Variants in KLHL8 observed in about 807,000 individuals in gnomAD.
The protein encoded by KLHL8 is kelch like family member 8, also known as kelch-like protein 8.
In KLHL8, 38 loss-of-function variants were observed where a neutral mutation model predicts 63.5. The ratio of observed to expected loss-of-function variants is 0.60; its 90% CI spans 0.46 to 0.78. The LOEUF (loss-of-function observed/expected upper bound fraction) is 0.78, where lower values mean the gene tolerates loss of function less well. Ranked by LOEUF, KLHL8 falls within the 30% of genes least tolerant of loss-of-function variation. The pLI, the probability that KLHL8 is intolerant of heterozygous loss-of-function variation, is 0.00. For missense variants in KLHL8, 566 were observed against 752.4 expected (o/e 0.75, Z 2.90); for synonymous variants, 224 against 254.3 (o/e 0.88, Z 1.13).
intron 8 of KLHL8, among the ~76,000 whole-genome samples, chr4:87,164,998 A>C (rs1350640431): frequency 1.3e-5 from 2 of 151,826 alleles, no homozygotes; most frequent in Non-Finnish European, 2.9e-5. Flanking sequence ...AATACAAAAA[A>C]ATTAGCTGGG....
At chr4:87,171,148 C>T (rs1376634601) in intron 6 of KLHL8, among the ~76,000 whole-genome samples, 1 of 152,064 alleles carries the variant, frequency 6.6e-6, no homozygotes, top group Non-Finnish European at 1.5e-5. Context: ...AGAGACTTAG[C>T]CCATGTTAAA....
chr4:87,219,619 C>CCAGTA (rs1732742050), intron 1 of KLHL8: 1 of 152,296 alleles, frequency 6.6e-6, no homozygotes, highest in Admixed American at 6.5e-5. Context: ...AAGCACGAGA[C>CCAGTA]ACGTAGAAAA....
intron 6 of KLHL8, among the ~76,000 whole-genome samples, chr4:87,171,751 C>T (rs912437780): frequency 5.9e-5 from 9 of 152,158 alleles, no homozygotes; most frequent in African/African-American, 1.9e-4. Context: ...TCCACTCCTA[C>T]GTCTCTGGCT....
intron 2 of KLHL8, among the ~76,000 whole-genome samples, chr4:87,192,570 C>A (rs898722536): frequency 1.3e-5 from 2 of 152,136 alleles, no homozygotes; most frequent in Non-Finnish European, 2.9e-5. Flanking sequence ...CAAGCTATAC[C>A]ATATAGCCTA....
At position 87,164,153 on chromosome 4, in the gene KLHL8, T is replaced by C. The variant is rs2149823607; in HGVS notation, c.1538-74A>G. ...ACTACTAAATTTCAATTCAATGGCTTTTACAACCCAATCTTTTAAAATCAT... is the reference window on the plus strand; with the variant it reads ...ACTACTAAATTTCAATTCAATGGCTCTTACAACCCAATCTTTTAAAATCAT... On this transcript the variant is annotated intron_variant, in intron 8 of 9. Transcript: ENST00000273963. 2.3e-6 allele frequency: 3 copies of C among 1,292,508 alleles called. No homozygotes were observed. In the South Asian group the frequency reaches 3.9e-5, roughly 17 times the overall value. 80.1% of individuals were successfully genotyped at this position (1,292,508 alleles called of 1,614,324 possible). A position where few individuals can be genotyped will look rare whatever the true frequency, so the allele number is the denominator to read the frequency against.
chr4:87,163,845 TAA>T, intron 9 of KLHL8, 31 bp downstream of exon 9: 1 of 1,597,366 alleles, frequency 6.3e-7, no homozygotes, highest in Non-Finnish European at 8.6e-7. Context: ...TACCAGAAGA[TAA>T]TATAAAGCAC....
At chr4:87,230,724 G>A (rs985725999) in intron 1 of KLHL8, among the ~76,000 whole-genome samples, 1 of 152,122 alleles carries the variant, frequency 6.6e-6, no homozygotes, top group Non-Finnish European at 1.5e-5. Flanking sequence ...AGCATCTAAC[G>A]CAGTGTTAAG....
At chr4:87,203,855 G>C (rs1732017508) in intron 1 of KLHL8, among the ~76,000 whole-genome samples, 1 of 151,838 alleles carries the variant, frequency 6.6e-6, no homozygotes, top group Admixed American at 6.6e-5. Flanking sequence ...AGAATAAAAA[G>C]ACAAGCTTCA....
At chr4:87,217,569 C>A (rs112836610) in intron 1 of KLHL8, among the ~76,000 whole-genome samples, 5,947 of 151,592 alleles carry the variant, frequency 0.039, 151 homozygotes, top group Middle Eastern at 0.11. Flanking sequence ...TGGTCTGGAA[C>A]TCCTGGGATC....
intron 1 of KLHL8, among the ~76,000 whole-genome samples, chr4:87,231,232 G>A (rs111254938): frequency 1.3e-5 from 2 of 152,234 alleles, no homozygotes; most frequent in African/African-American, 4.8e-5. Flanking sequence ...CACCCTCCGC[G>A]GAATCTGTGT....
Position 87,195,430 on chromosome 4 carries a change from T to C in KLHL8, c.110A>G (p.Asp37Gly). The C allele has an allele frequency of 6.2e-7, 1 of 1,613,844 alleles. No homozygotes were observed. The highest frequency in any genetic ancestry group is 8.5e-7 in the Non-Finnish European group (1 of 1,179,802). The change falls in exon 2 of 10, where the codon GAT (aspartate) becomes GGT (glycine). Residue 37 changes from aspartate to glycine, a missense_variant. By Grantham distance (94) the Asp-to-Gly change is moderately conservative (BLOSUM62 -1). Coordinates refer to ENST00000273963, the MANE Select transcript of KLHL8 (RefSeq NM_020803.5). Reference sequence around the variant, plus strand: ...TTCAAAAATAAAGGAATCTTCTCCATCACCATCACTAATTGAGGATCTGTT... The same window carrying C: ...TTCAAAAATAAAGGAATCTTCTCCACCACCATCACTAATTGAGGATCTGTT... ...IKNRSSISDG[D>G]GEDSFIFEAN... is the part of the protein sequence containing the mutation.
At chr4:87,232,566 A>G (rs910545817) in intron 1 of KLHL8, among the ~76,000 whole-genome samples, 18 of 152,224 alleles carry the variant, frequency 1.2e-4, no homozygotes, top group African/African-American at 4.3e-4. Context: ...TACAATATGC[A>G]TGACTTCGAT....
chr4:87,204,246 C>T (rs540897435), intron 1 of KLHL8, among the ~76,000 whole-genome samples: 7 of 152,198 alleles, frequency 4.6e-5, no homozygotes, highest in African/African-American at 1.4e-4. Context: ...CACCCCACAA[C>T]CATAATGAAA....
Position 87,185,383 on chromosome 4 carries a change from C to T in KLHL8, c.633G>A (p.Gln211=). The change falls in exon 3 of 10, where the codon CAG becomes CAA. Residue 211 remains glutamine (Q), a synonymous_variant. Transcript: ENST00000273963. ...TGGAGGACAAAAGCTTATGGAGGTG[C>T]TGCGGTGATACACTTACAAAGTCTT... ...ECEDFVSVSP[Q]HLHKLLSSSD... 1.9e-6 allele frequency: 3 copies of T among 1,614,144 alleles called. No individual in the cohort carries two copies. The highest frequency in any genetic ancestry group is 1.7e-6 in the Non-Finnish European group (2 of 1,180,024).
chr4:87,234,106 GGTCAACAAA>G (rs1283426944), intron 1 of KLHL8, among the ~76,000 whole-genome samples: 2 of 152,094 alleles, frequency 1.3e-5, no homozygotes, highest in Admixed American at 1.3e-4. Flanking sequence ...AGGATGTTTT[GGTCAACAAA>G]GGACTGCATG....
chr4:87,199,914 C>A (rs925322823), intron 1 of KLHL8, among the ~76,000 whole-genome samples: 3 of 151,688 alleles, frequency 2.0e-5, no homozygotes, highest in Admixed American at 6.6e-5. Context: ...TAGGCTGATA[C>A]TCGAGGATTG....
intron 6 of KLHL8, among the ~76,000 whole-genome samples, chr4:87,173,112 T>C (rs1730694205): frequency 1.3e-5 from 2 of 152,150 alleles, no homozygotes; most frequent in Non-Finnish European, 2.9e-5. Flanking sequence ...CGCCTGGTTT[T>C]TGAAGGCTCT....
chr4:87,169,997 T>C (rs997984143), intron 8 of KLHL8, 82 bp downstream of exon 8: 1 of 1,081,348 alleles, frequency 9.2e-7, no homozygotes, highest in Non-Finnish European at 1.4e-6. Flanking sequence ...TAAGGCTAAA[T>C]GCAATGTAAT....
intron 6 of KLHL8, among the ~76,000 whole-genome samples, chr4:87,175,130 CAT>C (rs1221009076): frequency 1.8e-4 from 27 of 152,172 alleles, no homozygotes; most frequent in Admixed American, 1.7e-3. Flanking sequence ...AAATTATAAA[CAT>C]GTTACTGTAC....
Sources: allele counts gnomAD v4.1 joint callset (sites outside exome capture counted in the v4.1 genomes callset), GRCh38; gene constraint gnomAD v4.1.1; transcripts MANE v1.5; gene names NCBI Gene and HGNC (gene_info 2026-07-23, HGNC 2026-07-21).